MAGI2: variants seen among roughly 807,000 people sequenced by gnomAD.
MAGI2 encodes membrane-associated guanylate kinase, WW and PDZ domain-containing protein 2.
In MAGI2, 35 loss-of-function variants were observed where a neutral mutation model predicts 133.3. The ratio of observed to expected loss-of-function variants is 0.26; its 90% CI spans 0.20 to 0.35. The LOEUF is 0.35. Among genes scored for constraint, MAGI2 ranks in the 10% least tolerant of loss-of-function variants. MAGI2 has a pLI of 1.00. For synonymous variants in MAGI2, 729 were observed against 710.6 expected (o/e 1.03, Z -0.41); for missense variants, 1,636 against 1,863.4 (o/e 0.88, Z 2.25).
At chr7:78,436,732 A>T (rs956569018) in intron 6 of MAGI2, among the ~76,000 whole-genome samples, 1 of 151,998 alleles carries the variant, frequency 6.6e-6, no homozygotes, top group African/African-American at 2.4e-5. Context: ...TATATGCAAC[A>T]CCTCTGTGTG....
At chr7:78,057,047 CTATATATATAAATTATATATA>C (rs1243045927) in intron 21 of MAGI2, among the ~76,000 whole-genome samples, 4 of 136,158 alleles carry the variant, frequency 2.9e-5, no homozygotes, top group Non-Finnish European at 6.2e-5. Flanking sequence ...ATGAGTGTGT[CTATATATATAAATTATATATA>C]TATATATATA....
At chr7:78,580,028 CCAAA>C (rs1349099481) in intron 3 of MAGI2, among the ~76,000 whole-genome samples, 1 of 151,998 alleles carries the variant, frequency 6.6e-6, no homozygotes, top group African/African-American at 2.4e-5. Flanking sequence ...ATATTCTCAA[CCAAA>C]CAATTTATAA....
chr7:78,573,365 A>AAAATATATATATAT (rs1320390413), intron 3 of MAGI2, among the ~76,000 whole-genome samples: 50 of 29,034 alleles, frequency 1.7e-3, no homozygotes, highest in African/African-American at 5.9e-3. Flanking sequence ...GAATCCTGGA[A>AAAATATATATATAT]ATATATATAT....
At chr7:79,228,260 T>A (rs193045432) in intron 1 of MAGI2, among the ~76,000 whole-genome samples, 159 of 149,442 alleles carry the variant, frequency 1.1e-3, no homozygotes, top group Non-Finnish European at 1.9e-3. Context: ...TGGGGATTGC[T>A]GGACCCCGGG....
rs376547201 is a variant in MAGI2 at position 78,531,596 on chromosome 7, A to G, written c.539-9951T>C. 2.6e-5 allele frequency among the ~76,000 whole-genome samples: 4 copies of G among 152,212 alleles called. No individual in the cohort carries two copies. The South Asian group carries it at 6.2e-4, about 24-fold the overall frequency. Reference sequence around the variant, plus strand: ...CTCAGTACGTAAGAAAAGGAAAGTGAAATTTTGACAAATTTATAAATGGGC... The same window carrying G: ...CTCAGTACGTAAGAAAAGGAAAGTGGAATTTTGACAAATTTATAAATGGGC... On this transcript the variant is annotated intron_variant, in intron 3 of 21. Transcript: ENST00000354212.
intron 3 of MAGI2, among the ~76,000 whole-genome samples, chr7:78,546,694 C>G (rs2150688093): frequency 6.6e-6 from 1 of 152,188 alleles, no homozygotes; most frequent in East Asian, 1.9e-4. Context: ...CTCTCTCTCT[C>G]TCTCTCTACC....
Position 78,301,748 on chromosome 7 carries a change from A to G in MAGI2, c.1408+42030T>C, listed in dbSNP as rs75212436. ...CCAATACCAATCTCAGCAGCTTTGT[A>G]CTACATTCAAAAATTGCAATTCATT... On this transcript the variant is annotated intron_variant, in intron 9 of 21. Coordinates refer to ENST00000354212, the MANE Select transcript of MAGI2 (RefSeq NM_012301.4). 5.3e-4 allele frequency among the ~76,000 whole-genome samples: 80 copies of G among 152,284 alleles called. 2 individuals carry two copies. In the East Asian group the frequency reaches 0.015, roughly 29 times the overall value.
intron 1 of MAGI2, among the ~76,000 whole-genome samples, chr7:79,144,034 A>G (rs1386486417): frequency 6.6e-6 from 1 of 152,144 alleles, no homozygotes; most frequent in African/African-American, 2.4e-5. Flanking sequence ...CAGCATTACC[A>G]AACATACAGT....
chr7:78,584,680 T>G (rs1803218679), intron 3 of MAGI2, among the ~76,000 whole-genome samples: 1 of 152,110 alleles, frequency 6.6e-6, no homozygotes, highest in African/African-American at 2.4e-5. Flanking sequence ...GCTGTGTGAT[T>G]GAAGAAGGTG....
At chr7:78,974,054 C>A (rs936237055) in intron 2 of MAGI2, among the ~76,000 whole-genome samples, 1 of 151,778 alleles carries the variant, frequency 6.6e-6, no homozygotes, top group African/African-American at 2.4e-5. Context: ...AACTCTTTGA[C>A]CTGCTCCATA....
intron 2 of MAGI2, chr7:78,940,636 A>T (rs1316354560): frequency 6.6e-6 from 1 of 152,174 alleles, no homozygotes; most frequent in Non-Finnish European, 1.5e-5. Context: ...ATATTTGTAA[A>T]GCCAAGGCTT....
intron 1 of MAGI2, among the ~76,000 whole-genome samples, chr7:79,190,926 A>C (rs529373674): frequency 2.6e-5 from 4 of 152,012 alleles, no homozygotes; most frequent in South Asian, 4.1e-4. Flanking sequence ...CATTAAAAAT[A>C]AGATATAAAT....
intron 3 of MAGI2, among the ~76,000 whole-genome samples, chr7:78,569,308 T>G (rs984760876): frequency 6.6e-6 from 1 of 152,234 alleles, no homozygotes; most frequent in Non-Finnish European, 1.5e-5. Flanking sequence ...TAAAACATAT[T>G]CTGAGGGCAT....
intron 1 of MAGI2, among the ~76,000 whole-genome samples, chr7:79,331,906 C>T (rs58064011): frequency 0.17 from 25,161 of 151,258 alleles, 2,405 homozygotes; most frequent in East Asian, 0.35. Flanking sequence ...TGTAACTAAC[C>T]TGCACAATGT....
At chr7:78,470,557 C>T (rs1007433544) in intron 6 of MAGI2, among the ~76,000 whole-genome samples, 1 of 151,920 alleles carries the variant, frequency 6.6e-6, no homozygotes, top group African/African-American at 2.4e-5. Context: ...TCACCATTTC[C>T]TTCTGATGTA....
At chr7:78,286,775 G>C (rs944226127) in intron 9 of MAGI2, among the ~76,000 whole-genome samples, 2 of 152,094 alleles carry the variant, frequency 1.3e-5, no homozygotes, top group African/African-American at 2.4e-5. Context: ...GAGGAGGAAG[G>C]CTTCATGGTC....
Position 78,715,069 on chromosome 7 carries a change from T to C in MAGI2, c.419-87830A>G, listed in dbSNP as rs138718703. Reference sequence around the variant, plus strand: ...TAAGGAGAGAGTCCTGTGTTTAGCATTGGCACTAAGGCTGATATTTACTAA... The same window carrying C: ...TAAGGAGAGAGTCCTGTGTTTAGCACTGGCACTAAGGCTGATATTTACTAA... On this transcript the variant is annotated intron_variant, in intron 2 of 21. Transcript: ENST00000354212. Among the ~76,000 whole-genome samples the C allele has an allele frequency of 1.6e-4, 25 of 152,312 alleles. No homozygotes were observed. The East Asian group carries it at 4.8e-3, about 29-fold the overall frequency.
chr7:79,236,194 T>A (rs902218749), intron 1 of MAGI2, among the ~76,000 whole-genome samples: 4 of 152,246 alleles, frequency 2.6e-5, no homozygotes, highest in African/African-American at 9.6e-5. Flanking sequence ...CCAGTAGCCA[T>A]AATCTTAAAT....
At chr7:78,821,928 A>T (rs1790162655) in intron 2 of MAGI2, among the ~76,000 whole-genome samples, 1 of 152,078 alleles carries the variant, frequency 6.6e-6, no homozygotes, top group African/African-American at 2.4e-5. Flanking sequence ...AATTTGGAGT[A>T]TTGAACAGTT....
Sources: allele counts gnomAD v4.1 joint callset (sites outside exome capture counted in the v4.1 genomes callset), GRCh38; gene constraint gnomAD v4.1.1; transcripts MANE v1.5; gene names NCBI Gene and HGNC (gene_info 2026-07-23, HGNC 2026-07-21).